The following MICU2 variants were observed in gnomAD, a reference collection of about 807,000 sequenced individuals.
The protein encoded by MICU2 is calcium uptake protein 2, mitochondrial.
A neutral mutation model predicts 60.4 loss-of-function variants in MICU2; 64 were observed. The ratio of observed to expected loss-of-function variants is 1.06; its 90% confidence interval spans 0.87 to 1.31. MICU2 has a LOEUF of 1.31. MICU2 is among the 50% of genes most tolerant of loss of function. MICU2 has a pLI of 0.00. For synonymous variants in MICU2, 201 were observed against 175.0 expected (o/e 1.15, Z -1.17); for missense variants, 569 against 531.0 (o/e 1.07, Z -0.70).
intron 2 of MICU2, among the ~76,000 whole-genome samples, chr13:21,554,658 C>T (rs1347712810): frequency 1.3e-5 from 2 of 151,764 alleles, no homozygotes; most frequent in East Asian, 1.9e-4. Flanking sequence ...CAAAAGCTAG[C>T]GGAAGGCAAG....
At chr13:21,586,821 A>C (rs964231608) in intron 1 of MICU2, among the ~76,000 whole-genome samples, 2 of 152,178 alleles carry the variant, frequency 1.3e-5, no homozygotes, top group Non-Finnish European at 2.9e-5. Flanking sequence ...TAAGTCACTA[A>C]ATCTTTCTAG....
At chr13:21,568,940 A>G (rs938566889) in intron 1 of MICU2, among the ~76,000 whole-genome samples, 3 of 151,982 alleles carry the variant, frequency 2.0e-5, no homozygotes, top group Admixed American at 1.3e-4. Flanking sequence ...CTCATACAGG[A>G]TAACATTTTT....
Position 21,566,913 on chromosome 13 carries a change from C to A in MICU2, c.242G>T (p.Gly81Val), listed in dbSNP as rs1278256101. The change falls in exon 2 of 12, where the codon GGG becomes GTG. Residue 81 changes from glycine to valine, a missense_variant. Transcript: ENST00000382374. Reference sequence around the variant, plus strand: ...GCGCTGCTTACGAAGAGACGGTTTCCCAATATATATTATTCCATGTTCAAC... The same window carrying A: ...GCGCTGCTTACGAAGAGACGGTTTCACAATATATATTATTCCATGTTCAAC... ...KNVEHGIIYI[G>V]KPSLRKQRFM... 6.2e-7 allele frequency: 1 copy of A among 1,602,214 alleles called. No individual in the cohort carries two copies. The highest frequency in any genetic ancestry group is 1.4e-5 in the African/African-American group (1 of 74,036).
intron 1 of MICU2, among the ~76,000 whole-genome samples, chr13:21,574,746 T>C (rs1442303716): frequency 6.6e-6 from 1 of 152,242 alleles, no homozygotes; most frequent in African/African-American, 2.4e-5. Context: ...GAATTTGTAA[T>C]AATCTGGATA....
intron 2 of MICU2, among the ~76,000 whole-genome samples, chr13:21,541,262 A>AT (rs1198372284): frequency 6.6e-6 from 1 of 152,058 alleles, no homozygotes; most frequent in Non-Finnish European, 1.5e-5. Context: ...TAAAAAAAAA[A>AT]ATCCTTCTAC....
intron 1 of MICU2, among the ~76,000 whole-genome samples, chr13:21,588,056 T>C (rs755835077): frequency 1.4e-4 from 22 of 152,186 alleles, no homozygotes; most frequent in Non-Finnish European, 2.5e-4. Context: ...ACCAGGAGTC[T>C]TGCCCCCCGA....
intron 4 of MICU2, among the ~76,000 whole-genome samples, chr13:21,527,813 A>G (rs1446901032): frequency 1.3e-5 from 2 of 152,304 alleles, no homozygotes; most frequent in East Asian, 3.9e-4. Flanking sequence ...CAGACAACCA[A>G]TATGTTGTCC....
At chr13:21,595,536 C>T (rs1005437135) in intron 1 of MICU2, among the ~76,000 whole-genome samples, 1 of 152,240 alleles carries the variant, frequency 6.6e-6, no homozygotes, top group Admixed American at 6.5e-5. Context: ...GGCCCTTAGG[C>T]CACACACAAC....
chr13:21,525,663 C>T (rs1222710754), intron 4 of MICU2, among the ~76,000 whole-genome samples: 3 of 151,724 alleles, frequency 2.0e-5, no homozygotes, highest in Non-Finnish European at 2.9e-5. Context: ...TTGCATTTCC[C>T]TGATGATTAG....
At chr13:21,495,106 T>C in intron 11 of MICU2, 55 bp downstream of exon 11, 3 of 1,423,562 alleles carry the variant, frequency 2.1e-6, no homozygotes, top group Non-Finnish European at 2.8e-6. Flanking sequence ...AAATTCTAGG[T>C]TTAATATCAG....
At chr13:21,563,537 C>T (rs1372627054) in intron 2 of MICU2, among the ~76,000 whole-genome samples, 1 of 151,526 alleles carries the variant, frequency 6.6e-6, no homozygotes, top group Non-Finnish European at 1.5e-5. Flanking sequence ...TTTTTGTGAA[C>T]TTCTTGAATC....
intron 1 of MICU2, among the ~76,000 whole-genome samples, chr13:21,568,189 T>C (rs963940436): frequency 2.0e-5 from 3 of 152,194 alleles, no homozygotes; most frequent in Non-Finnish European, 4.4e-5. Context: ...GGGAAAAACA[T>C]GAATTCCAGT....
At chr13:21,509,612 T>A (rs1031114295) in intron 8 of MICU2, among the ~76,000 whole-genome samples, 1 of 152,234 alleles carries the variant, frequency 6.6e-6, no homozygotes, top group Non-Finnish European at 1.5e-5. Flanking sequence ...CAGCCAATCC[T>A]GTTCCAATCA....
chr13:21,583,914 C>T (rs1384753742), intron 1 of MICU2, among the ~76,000 whole-genome samples: 1 of 152,170 alleles, frequency 6.6e-6, no homozygotes, highest in African/African-American at 2.4e-5. Context: ...GAAATCAACC[C>T]ATTTACAGCT....
At chr13:21,552,357 A>C (rs540484328) in intron 2 of MICU2, among the ~76,000 whole-genome samples, 1 of 151,982 alleles carries the variant, frequency 6.6e-6, no homozygotes, top group Non-Finnish European at 1.5e-5. Context: ...AGGTTGCAAA[A>C]ATTTTCTCCC....
chr13:21,555,844 T>C (rs1259691815), intron 2 of MICU2, among the ~76,000 whole-genome samples: 2 of 152,218 alleles, frequency 1.3e-5, no homozygotes, highest in Non-Finnish European at 2.9e-5. Context: ...TTAGATGTCA[T>C]GTGGTGTGCA....
At chr13:21,518,389 CATATCACTAAACATTACCACA>C in intron 6 of MICU2, among the ~76,000 whole-genome samples, 1 of 152,142 alleles carries the variant, frequency 6.6e-6, no homozygotes, top group Middle Eastern at 3.2e-3. Flanking sequence ...GATTTGGCCA[CATATCACTAAACATTACCACA>C]GTGCATCAAA....
At chr13:21,600,549 T>C (rs976835540) in intron 1 of MICU2, among the ~76,000 whole-genome samples, 2 of 152,202 alleles carry the variant, frequency 1.3e-5, no homozygotes, top group African/African-American at 2.4e-5. Flanking sequence ...TCCTGGCATA[T>C]TGTCTAGCAC....
intron 2 of MICU2, among the ~76,000 whole-genome samples, chr13:21,557,122 T>C (rs1274813026): frequency 6.6e-6 from 1 of 152,188 alleles, no homozygotes; most frequent in Non-Finnish European, 1.5e-5. Context: ...TAGAAGCTTT[T>C]ATTAAATCTG....
Sources: allele counts gnomAD v4.1 joint callset (sites outside exome capture counted in the v4.1 genomes callset), GRCh38; gene constraint gnomAD v4.1.1; transcripts MANE v1.5; gene names NCBI Gene and HGNC (gene_info 2026-07-23, HGNC 2026-07-21).